TNNI3K: variants seen among roughly 807,000 people sequenced by gnomAD.
TNNI3K encodes the protein TNNI3 interacting kinase.
A neutral mutation model predicts 114.5 loss-of-function variants in TNNI3K; 140 were observed. That is an observed-to-expected ratio of 1.22 (90% CI 1.07 to 1.41). TNNI3K has a LOEUF of 1.41. TNNI3K is among the 40% of genes most tolerant of loss of function. The pLI, the probability that TNNI3K is intolerant of heterozygous loss-of-function variation, is 0.00. For missense variants in TNNI3K, 1,125 were observed against 1,007.6 expected, an observed-to-expected ratio of 1.12 and a Z score of -1.58; for synonymous variants, 347 against 347.5, an observed-to-expected ratio of 1.00 and a Z score of 0.02.
At chr1:74,526,900 AC>A (rs1646510936) in intron 23 of TNNI3K, among the ~76,000 whole-genome samples, 1 of 152,224 alleles carries the variant, frequency 6.6e-6, no homozygotes, top group African/African-American at 2.4e-5. Context: ...GAATACAGCC[AC>A]ACTCATTTGT....
In TNNI3K at chr1:74,264,544, G is replaced by GA. The variant is rs1655857909; in HGVS notation, c.334-7048dup. 2.6e-5 allele frequency among the ~76,000 whole-genome samples: 4 copies of GA among 151,980 alleles called. No homozygotes were observed. In the South Asian group the frequency reaches 8.3e-4, roughly 31 times the overall value. ...CTTTAACAATTGCTATGCTGGTGAA[G>GA]AAAAAATATACTTAGAGAAACATTT... is the stretch of plus-strand genomic sequence containing the variant. On this transcript the variant is annotated intron_variant, in intron 4 of 24. Coordinates refer to ENST00000326637, the MANE Select transcript of TNNI3K (RefSeq NM_015978.3).
rs922007562 is a variant in TNNI3K at position 74,344,877 on chromosome 1, T to C, written c.932+1698T>C. Among the ~76,000 whole-genome samples the C allele has an allele frequency of 2.0e-5, 3 of 152,182 alleles. No homozygotes were observed. The East Asian group carries it at 5.8e-4, about 29-fold the overall frequency. On this transcript the variant is annotated intron_variant, in intron 9 of 24. Coordinates refer to ENST00000326637, the MANE Select transcript of TNNI3K (RefSeq NM_015978.3). ...AAATATTTATAAAAGAAACTCCTTT[T>C]ACGTGAGGAATTCACTCTGAATATG... is the stretch of plus-strand genomic sequence containing the variant.
intron 5 of TNNI3K, among the ~76,000 whole-genome samples, chr1:74,325,525 A>C (rs1659850953): frequency 6.6e-6 from 1 of 152,194 alleles, no homozygotes; most frequent in Non-Finnish European, 1.5e-5. Context: ...ACTTATATTC[A>C]AAATGAATCC....
At chr1:74,484,651 C>A (rs1668662146) in intron 21 of TNNI3K, among the ~76,000 whole-genome samples, 1 of 152,000 alleles carries the variant, frequency 6.6e-6, no homozygotes, top group Non-Finnish European at 1.5e-5. Context: ...GGATCCAATG[C>A]AAAGTTCTCA....
rs539922298 is a variant in TNNI3K at position 74,455,102 on chromosome 1, G to C, written c.2012-8339G>C. 2.6e-5 allele frequency among the ~76,000 whole-genome samples: 4 copies of C among 152,232 alleles called. No individual in the cohort carries two copies. The East Asian group carries it at 7.7e-4, about 29-fold the overall frequency. ...GCCATCAAACTACTCATAGTATAGA[G>C]AATGAGTGACAGAAGCAAAATCAGC... On this transcript the variant is annotated intron_variant, in intron 20 of 24. Coordinates refer to ENST00000326637, the MANE Select transcript of TNNI3K (RefSeq NM_015978.3).
chr1:74,477,671 C>T (rs1432054292), intron 21 of TNNI3K, among the ~76,000 whole-genome samples: 1 of 152,146 alleles, frequency 6.6e-6, no homozygotes, highest in Non-Finnish European at 1.5e-5. Flanking sequence ...CCACTCACTC[C>T]CCTGCTCTTG....
Position 74,257,754 on chromosome 1 carries a change from C to T in TNNI3K, c.333+6985C>T, listed in dbSNP as rs370874532. On this transcript the variant is annotated intron_variant, in intron 4 of 24. Transcript: ENST00000326637. The stretch of plus-strand genomic sequence containing the variant: ...TGCGATCTTGGCTCACTGCAAGCTC[C>T]GCCTCCCGGTTCAAGCCATTCTTCT... Among the ~76,000 whole-genome samples the T allele has an allele frequency of 1.2e-4, 18 of 148,028 alleles. No homozygotes were observed. The South Asian group carries it at 1.3e-3, about 10-fold the overall frequency.
chr1:74,405,612 C>G (rs1288982342), intron 17 of TNNI3K, among the ~76,000 whole-genome samples: 1 of 152,112 alleles, frequency 6.6e-6, no homozygotes, highest in East Asian at 1.9e-4. Context: ...GATTATCTCA[C>G]TGTCTTTATG....
intron 5 of TNNI3K, among the ~76,000 whole-genome samples, chr1:74,326,057 C>G (rs748208195): frequency 1.3e-5 from 2 of 152,044 alleles, no homozygotes; most frequent in Admixed American, 6.6e-5. Flanking sequence ...TTTAAGCAAA[C>G]TGTAAATCTT....
chr1:74,312,126 A>G (rs1005733653), intron 5 of TNNI3K, among the ~76,000 whole-genome samples: 1 of 152,286 alleles, frequency 6.6e-6, no homozygotes, highest in African/African-American at 2.4e-5. Context: ...TTATTCATTC[A>G]TTTTTTAAAA....
chr1:74,336,250 C>T, intron 7 of TNNI3K, 101 bp downstream of exon 7: 2 of 1,383,796 alleles, frequency 1.4e-6, no homozygotes, highest in South Asian at 3.1e-5. Flanking sequence ...TTGACTAATC[C>T]TGTAGTCATG....
At chr1:74,535,525 C>T (rs1181529900) in intron 23 of TNNI3K, among the ~76,000 whole-genome samples, 5 of 152,042 alleles carry the variant, frequency 3.3e-5, no homozygotes, top group East Asian at 1.9e-4. Context: ...GAATCTGGGA[C>T]GTCACTTGTC....
intron 5 of TNNI3K, among the ~76,000 whole-genome samples, chr1:74,309,366 C>CAAA (rs71078188): frequency 4.2e-5 from 1 of 24,096 alleles, no homozygotes; most frequent in Non-Finnish European, 6.9e-5. Flanking sequence ...GACTCTGTCT[C>CAAA]AAAAAAAAAA....
At chr1:74,352,085 C>T (rs1661382886) in intron 9 of TNNI3K, among the ~76,000 whole-genome samples, 1 of 152,114 alleles carries the variant, frequency 6.6e-6, no homozygotes, top group African/African-American at 2.4e-5. Flanking sequence ...TGCTTTTTCC[C>T]CATCTTTGTG....
At chr1:74,407,720 A>T (rs1054217602) in intron 17 of TNNI3K, among the ~76,000 whole-genome samples, 1 of 152,202 alleles carries the variant, frequency 6.6e-6, no homozygotes, top group African/African-American at 2.4e-5. Context: ...TCTCTAAACT[A>T]CATCAACTTT....
intron 23 of TNNI3K, among the ~76,000 whole-genome samples, chr1:74,506,932 T>C (rs946387754): frequency 6.6e-6 from 1 of 152,220 alleles, no homozygotes; most frequent in Non-Finnish European, 1.5e-5. Context: ...CTACTTGGTA[T>C]CATGTCTCTG....
Position 74,322,425 on chromosome 1 carries a change from C to T in TNNI3K, c.445-9025C>T, listed in dbSNP as rs1307386888. Reference sequence around the variant, plus strand: ...ATTTCTTCTCATCTTTACTTATCACCAGCCTCCCATATGTTGTCATTCTGA... The same window carrying T: ...ATTTCTTCTCATCTTTACTTATCACTAGCCTCCCATATGTTGTCATTCTGA... On this transcript the variant is annotated intron_variant, in intron 5 of 24. Transcript: ENST00000326637. 2.0e-5 allele frequency among the ~76,000 whole-genome samples: 3 copies of T among 151,664 alleles called. No individual in the cohort carries two copies. The East Asian group carries it at 5.8e-4, about 29-fold the overall frequency.
intron 23 of TNNI3K, among the ~76,000 whole-genome samples, chr1:74,530,306 G>A (rs760104952): frequency 2.8e-4 from 43 of 152,156 alleles, no homozygotes; most frequent in Non-Finnish European, 5.6e-4. Flanking sequence ...GAGCCAACAG[G>A]TTTAAGTTGA....
intron 11 of TNNI3K, among the ~76,000 whole-genome samples, chr1:74,363,103 T>A (rs1662056828): frequency 6.6e-6 from 1 of 152,120 alleles, no homozygotes; most frequent in Admixed American, 6.6e-5. Flanking sequence ...TTAGTGTGCC[T>A]TGGTTATCTG....
Sources: allele counts gnomAD v4.1 joint callset (sites outside exome capture counted in the v4.1 genomes callset), GRCh38; gene constraint gnomAD v4.1.1; transcripts MANE v1.5; gene names NCBI Gene and HGNC (gene_info 2026-07-23, HGNC 2026-07-21).